Variants in C4orf50 observed in about 807,000 individuals in gnomAD.
C4orf50 encodes the protein uncharacterized protein C4orf50.
In C4orf50, 80 loss-of-function variants were observed where a neutral mutation model predicts 77.2. The observed-to-expected ratio is 1.04, with a 90% CI of 0.87 to 1.25. C4orf50 has a LOEUF of 1.25. C4orf50 is among the 50% of genes most tolerant of loss of function. The probability of loss-of-function intolerance (pLI) is 0.00; values close to 1 mark genes in which losing one functional copy is unlikely to be tolerated. For synonymous variants in C4orf50, 532 were observed against 465.3 expected, an observed-to-expected ratio of 1.14 and a Z score of -1.84; for missense variants, 1,257 against 1,152.9, an observed-to-expected ratio of 1.09 and a Z score of -1.31.
At chr4:6,016,935 G>A (rs1722705560) in intron 23 of C4orf50, among the ~76,000 whole-genome samples, 1 of 152,226 alleles carries the variant, frequency 6.6e-6, no homozygotes, top group Non-Finnish European at 1.5e-5. Flanking sequence ...GCTGGGATAT[G>A]AGTAACGTGT....
chr4:6,013,018 T>C (rs2108813616), intron 23 of C4orf50, among the ~76,000 whole-genome samples: 1 of 152,372 alleles, frequency 6.6e-6, no homozygotes, highest in Admixed American at 6.5e-5. Flanking sequence ...CTTTGCCTGC[T>C]GGCTCTGCCA....
chr4:5,994,217 T>A, intron 26 of C4orf50, 130 bp downstream of exon 4: 1 of 395,316 alleles, frequency 2.5e-6, no homozygotes, highest in Non-Finnish European at 4.5e-6. Flanking sequence ...TGAGCCTCGA[T>A]TCTTGTCTGT....
In C4orf50 at chr4:5,913,362, G is replaced by A. The variant is rs142186213; in HGVS notation, c.*2475-15174C>T. The stretch of plus-strand genomic sequence containing the variant: ...GTGTTCTGCACAGTGCCTGGGGAAT[G>A]GCAGGCAGGCAATGACTATTCTGGG... On this transcript the variant is annotated intron_variant, in intron 7 of 7. Coordinates refer to the C4orf50 transcript ENST00000324058. Among the ~76,000 whole-genome samples the A allele has an allele frequency of 6.1e-3, 927 of 152,272 alleles. 2 individuals carry two copies. Among genetic ancestry groups the A allele is most frequent in the Non-Finnish European group, 0.011 (740 of 68,020 alleles).
rs558215358 is a variant in C4orf50 at position 5,995,041 on chromosome 4, C to A, written c.964-565G>T. On this transcript the variant is annotated intron_variant, in intron 25 of 33. Transcript: ENST00000531445. ...TTTCACCATGAAACTATCCCCCTCA[C>A]CCCCTGCCCATGGAAAAAATGTCTT... Among the ~76,000 whole-genome samples the A allele has an allele frequency of 5.3e-5, 8 of 152,278 alleles. No homozygotes were observed. In the East Asian group the frequency reaches 1.6e-3, roughly 30 times the overall value.
Position 6,009,115 on chromosome 4 carries a change from G to A in C4orf50, c.427-583C>T, listed in dbSNP as rs190039809. On this transcript the variant is annotated intron_variant, in intron 24 of 33. Transcript: ENST00000531445. This position sits in a 1 kb window ranked among gnomAD's most constrained non-coding sequence, Gnocchi z 5.6. The stretch of plus-strand genomic sequence containing the variant: ...CACTCAGGAGTGACTTGCATATCAC[G>A]CAGCTAAAATTCACTGCGGCCAGGA... Among the ~76,000 whole-genome samples, 3 of 152,252 alleles carry A rather than the reference G, an allele frequency of 2.0e-5. No homozygotes were observed. Among genetic ancestry groups the A allele is most frequent in the Admixed American group, 6.5e-5 (1 of 15,294 alleles).
chr4:6,018,139 C>T lies in C4orf50; in HGVS notation c.287+6G>A, dbSNP rs970117459. The stretch of plus-strand genomic sequence containing the variant: ...ACACACAGAGAGATCAAAATGGCAT[C>T]GCTACCTGCTTCTCAGCCCGGACTC... On this transcript the variant is annotated splice_donor_region_variant and intron_variant, in intron 23 of 33. Coordinates refer to ENST00000531445, the Ensembl canonical transcript of C4orf50. This position sits in a 1 kb window ranked among gnomAD's most constrained non-coding sequence, Gnocchi z 5.1. The T allele has an allele frequency of 5.0e-6, 2 of 398,752 alleles. No individual in the cohort carries two copies. Among genetic ancestry groups the T allele is most frequent in the African/African-American group, 2.1e-5 (1 of 48,748 alleles). 24.7% of individuals were successfully genotyped at this position (398,752 alleles called of 1,614,324 possible).
intron 25 of C4orf50, among the ~76,000 whole-genome samples, chr4:6,003,473 ATGG>A (rs200835461): frequency 2.0e-5 from 3 of 150,624 alleles, no homozygotes; most frequent in African/African-American, 7.3e-5. Context: ...GATGATGGTG[ATGG>A]TGGTCATGGT....
At chr4:5,975,139 C>CAAAAAAAAAAAAAAAAAAAAAAAAA (rs763836859) in intron 30 of C4orf50, among the ~76,000 whole-genome samples, 2 of 82,832 alleles carry the variant, frequency 2.4e-5, no homozygotes, top group African/African-American at 8.2e-5. Flanking sequence ...CACTCCATCT[C>CAAAAAAAAAAAAAAAAAAAAAAAAA]AAAAAAAAAA....
chr4:5,917,477 G>A (rs577245407), intron 7 of C4orf50, among the ~76,000 whole-genome samples: 40 of 130,664 alleles, frequency 3.1e-4, no homozygotes, highest in African/African-American at 8.5e-4. Flanking sequence ...GCAATGGCAC[G>A]ATCTCGGCTC....
chr4:5,923,795 C>T (rs973609798), intron 7 of C4orf50, among the ~76,000 whole-genome samples: 1 of 152,130 alleles, frequency 6.6e-6, no homozygotes, highest in African/African-American at 2.4e-5. Flanking sequence ...AAGTATTGTT[C>T]CTGGGTGTGT....
intron 7 of C4orf50, chr4:5,903,121 G>A (rs535772607): frequency 6.6e-6 from 1 of 152,310 alleles, no homozygotes; most frequent in Admixed American, 6.5e-5. Context: ...AGAAAGGAGT[G>A]GGGGCCCTGC....
intron 28 of C4orf50, 44 bp from the exon 7 acceptor site, chr4:5,980,382 C>A (rs1385180633): frequency 6.4e-7 from 1 of 1,568,570 alleles, no homozygotes; most frequent in Non-Finnish European, 8.6e-7. Context: ...GGTTATCCTT[C>A]AAGCAATTTG....
chr4:5,899,448 G>C (rs373068934), intron 7 of C4orf50: 6 of 152,190 alleles, frequency 3.9e-5, no homozygotes, highest in African/African-American at 1.4e-4. Context: ...TGCCACAGCG[G>C]AGCTCAAAGC....
At chr4:5,924,523 G>T (rs543848938) in intron 7 of C4orf50, among the ~76,000 whole-genome samples, 1 of 152,296 alleles carries the variant, frequency 6.6e-6, no homozygotes, top group East Asian at 1.9e-4. Context: ...CTGAGCAAGG[G>T]TAGAGAAACC....
intron 7 of C4orf50, among the ~76,000 whole-genome samples, chr4:5,907,268 C>T (rs1157220023): frequency 6.6e-6 from 1 of 152,138 alleles, no homozygotes; most frequent in Non-Finnish European, 1.5e-5. Flanking sequence ...AATGGAACAA[C>T]CGTTTAAGAA....
At chr4:5,982,995 C>A (rs545406554) in intron 28 of C4orf50, among the ~76,000 whole-genome samples, 116 of 152,270 alleles carry the variant, frequency 7.6e-4, no homozygotes, top group African/African-American at 2.8e-3. Flanking sequence ...AAATTTGGAT[C>A]TCATGCCCAG....
intron 7 of C4orf50, among the ~76,000 whole-genome samples, chr4:5,933,715 G>C (rs982261129): frequency 1.1e-4 from 16 of 152,124 alleles, no homozygotes; most frequent in African/African-American, 3.9e-4. Flanking sequence ...GTGCCCATGG[G>C]AAATGGGCTA....
intron 7 of C4orf50, among the ~76,000 whole-genome samples, chr4:5,945,082 C>G (rs960469380): frequency 6.6e-6 from 1 of 152,164 alleles, no homozygotes; most frequent in African/African-American, 2.4e-5. Context: ...AGGCCAGTGG[C>G]TCTAGCACTG....
exon 31 of C4orf50, chr4:5,973,770 C>T (rs754789345): frequency 1.2e-6 from 2 of 1,613,650 alleles, no homozygotes; most frequent in East Asian, 4.5e-5. Flanking sequence ...CATGTCTGTG[C>T]AGCTCCTGCA....
Sources: allele counts gnomAD v4.1 joint callset (sites outside exome capture counted in the v4.1 genomes callset), GRCh38; gene constraint gnomAD v4.1.1; non-coding constraint Gnocchi (gnomAD v3.1); transcripts MANE v1.5; gene names NCBI Gene and HGNC (gene_info 2026-07-23, HGNC 2026-07-21).